The following PPP2R3B variants were observed in gnomAD, a reference collection of about 807,000 sequenced individuals.
PPP2R3B encodes protein phosphatase 2 regulatory subunit B''beta, also known as serine/threonine-protein phosphatase 2A regulatory subunit B'' subunit beta.
A neutral mutation model predicts 72.9 loss-of-function variants in PPP2R3B; 68 were observed. The observed-to-expected ratio is 0.93, with a 90% confidence interval of 0.77 to 1.14. The LOEUF (loss-of-function observed/expected upper bound fraction) is 1.14, where lower values mean the gene tolerates loss of function less well. Ranked by LOEUF, PPP2R3B falls within the 50% of genes most tolerant of loss-of-function variation. The pLI is 0.00. For missense variants in PPP2R3B, 1,018 were observed against 842.0 expected, an observed-to-expected ratio of 1.21 and a Z score of -2.59; for synonymous variants, 466 against 375.8, an observed-to-expected ratio of 1.24 and a Z score of -2.78.
chrX:346,355 G>A, intron 5 of PPP2R3B, 95 bp from the exon 6 acceptor site: 2 of 1,283,948 alleles, frequency 1.6e-6, no homozygotes, highest in Middle Eastern at 2.6e-4. Context: ...CGCGCCCTTG[G>A]TCTCAGCCGC....
At chrX:383,604 G>A (rs761184357) in intron 1 of PPP2R3B, among the ~76,000 whole-genome samples, 6 of 152,046 alleles carry the variant, frequency 3.9e-5, no homozygotes, top group South Asian at 2.1e-4. Flanking sequence ...TTGGGAGGCC[G>A]AGGCGGGCGG....
rs747518723 is a variant in PPP2R3B, at chrX:334,327, C to T, written c.*40G>A. On this transcript the variant is annotated 3_prime_UTR_variant, in exon 13 of 13. Transcript: ENST00000390665. ...GAGCCGCGGTGGCCCGGTGGTGGCA[C>T]GTGGGGAGCGGCCCCGCGGCGGCGT... The T allele has an allele frequency of 3.9e-5, 56 of 1,445,616 alleles. No individual in the cohort carries two copies. The highest frequency in any genetic ancestry group is 2.6e-4 in the Middle Eastern group (1 of 3,804). 89.5% of individuals were successfully genotyped at this position (1,445,616 alleles called of 1,614,324 possible).
rs762186515 is a variant in PPP2R3B, at chrX:345,389, G to C, written c.1036+127C>G. The C allele has an allele frequency of 1.8e-5, 23 of 1,308,238 alleles. 1 individual carries two copies. In the South Asian group the frequency reaches 2.9e-4, roughly 17 times the overall value. The allele number at this position is 1,308,238 out of a possible 1,614,324, so 81.0% of individuals were successfully genotyped here. ...GCTGCAGACACAGAGCGGCGAGTGC[G>C]AAGGAGAGGCAGCTGCAGACACAGA... is the stretch of plus-strand genomic sequence containing the variant. On this transcript the variant is annotated intron_variant, in intron 7 of 12. Transcript: ENST00000390665.
At chrX:340,994 C>CT in intron 9 of PPP2R3B, 54 bp from the exon 10 acceptor site, 1 of 1,574,024 alleles carries the variant, frequency 6.4e-7, no homozygotes, top group Non-Finnish European at 8.6e-7. Context: ...CAGCCCGTGA[C>CT]CTGCAGCCCC....
At position 334,338 on chromosome X, in the gene PPP2R3B, G is replaced by A. The variant is rs777296587; in HGVS notation, c.*29C>T. 2.7e-6 allele frequency: 4 copies of A among 1,456,192 alleles called. No homozygotes were observed. Among genetic ancestry groups the A allele is most frequent in the South Asian group, 2.8e-5 (2 of 71,454 alleles). The allele number at this position is 1,456,192 out of a possible 1,614,324, so 90.2% of individuals were successfully genotyped here. On this transcript the variant is annotated 3_prime_UTR_variant, in exon 13 of 13. Transcript: ENST00000390665. ...GCCCGGTGGTGGCACGTGGGGAGCG[G>A]CCCCGCGGCGGCGTTCTCGCGGGCG...
At position 370,409 on chromosome X, in the gene PPP2R3B, C is replaced by T. The variant is rs557315218; in HGVS notation, c.325-8819G>A. Among the ~76,000 whole-genome samples the T allele has an allele frequency of 1.2e-3, 186 of 152,264 alleles. 2 individuals are homozygous for T. In the South Asian group the frequency reaches 0.037, roughly 30 times the overall value. ...GCCCAGGCACTGGCGCCTGCAGCCA[C>T]GGCTGCAGCGAGGCGTGAGTCTCCA... On this transcript the variant is annotated intron_variant, in intron 1 of 12. Transcript: ENST00000390665.
chrX:363,458 A>G (rs1241085142), intron 1 of PPP2R3B, among the ~76,000 whole-genome samples: 96 of 141,920 alleles, frequency 6.8e-4, no homozygotes, highest in African/African-American at 1.6e-3. Context: ...CCCCGAGCCC[A>G]CCATCCCACA....
intron 1 of PPP2R3B, among the ~76,000 whole-genome samples, chrX:382,556 T>C (rs192132966): frequency 3.3e-5 from 5 of 152,242 alleles, no homozygotes; most frequent in Non-Finnish European, 7.4e-5. Context: ...AGTGCATTTC[T>C]CAAGTTCCAC....
At chrX:356,568 G>A (rs2071437801) in intron 2 of PPP2R3B, among the ~76,000 whole-genome samples, 1 of 152,128 alleles carries the variant, frequency 6.6e-6, no homozygotes, top group Non-Finnish European at 1.5e-5. Flanking sequence ...GCCACCAGAT[G>A]AGGCAGAGCT....
chrX:386,254 A>T, intron 1 of PPP2R3B, 114 bp downstream of exon 1: 1 of 879,360 alleles, frequency 1.1e-6, no homozygotes, highest in Non-Finnish European at 1.5e-6. Context: ...CAGACTCAAT[A>T]TGAAACCGTT....
intron 8 of PPP2R3B, 170 bp downstream of exon 8, chrX:341,713 C>G (rs1401805315): frequency 2.0e-5 from 16 of 785,240 alleles, no homozygotes; most frequent in Non-Finnish European, 2.2e-5. Context: ...TGTGCCACCC[C>G]CCCCCACTAG....
intron 1 of PPP2R3B, among the ~76,000 whole-genome samples, chrX:373,283 C>G (rs1230663846): frequency 1.3e-5 from 2 of 152,356 alleles, no homozygotes; most frequent in East Asian, 3.9e-4. Flanking sequence ...TTTTCAAAGC[C>G]CGGTTTTCCT....
intron 1 of PPP2R3B, among the ~76,000 whole-genome samples, chrX:382,191 T>C (rs868662476): frequency 7.1e-6 from 1 of 140,332 alleles, no homozygotes; most frequent in Non-Finnish European, 1.5e-5. Flanking sequence ...CTCATCTTTT[T>C]TTTTCTTTTT....
At chrX:335,542 G>A (rs1399673681) in intron 12 of PPP2R3B, 1 of 152,240 alleles carries the variant, frequency 6.6e-6, no homozygotes, top group African/African-American at 2.4e-5. Flanking sequence ...GCACGTCCAT[G>A]GAACCCATGG....
intron 2 of PPP2R3B, among the ~76,000 whole-genome samples, chrX:359,090 C>G (rs1021668090): frequency 2.0e-5 from 3 of 152,096 alleles, no homozygotes; most frequent in African/African-American, 7.2e-5. Flanking sequence ...CCGAAGCGGA[C>G]GCAGCGCGTG....
chrX:347,473 G>C lies in PPP2R3B; in HGVS notation c.614+117C>G. 4 of 1,353,980 alleles carry C rather than the reference G, an allele frequency of 3.0e-6. No individual in the cohort carries two copies. In the South Asian group the frequency reaches 4.7e-5, roughly 16 times the overall value. 83.9% of individuals were successfully genotyped at this position (1,353,980 alleles called of 1,614,324 possible). A position where few individuals can be genotyped will look rare whatever the true frequency, so the allele number is the denominator to read the frequency against. ...ACACACGACGGCCAGGCCTGTGCCC[G>C]TACAAGGGTTTCTCCTCTCACTGCG... is the stretch of plus-strand genomic sequence containing the variant. On this transcript the variant is annotated intron_variant, in intron 3 of 12. Transcript: ENST00000390665.
chrX:352,703 G>A (rs1419076988), intron 2 of PPP2R3B, among the ~76,000 whole-genome samples: 1 of 151,928 alleles, frequency 6.6e-6, no homozygotes, highest in Non-Finnish European at 1.5e-5. Context: ...AGTCCCGAGC[G>A]TCTACAGTCG....
rs2071225079 is a variant in PPP2R3B at position 346,785 on chromosome X, GGAA to G, written c.718-13_718-11del. ...GCGTGTTCACCACGTCCTGCGGGTG[GGAA>G]GACACGAGGCGCGTGGTGTAGACGC... On this transcript the variant is annotated splice_polypyrimidine_tract_variant and intron_variant, in intron 4 of 12. Transcript: ENST00000390665. 1 of 1,607,698 alleles carries G rather than the reference GGAA, an allele frequency of 6.2e-7. No homozygotes were observed. The highest frequency in any genetic ancestry group is 1.3e-5 in the African/African-American group (1 of 74,818).
chrX:364,435 GA>G, intron 1 of PPP2R3B, among the ~76,000 whole-genome samples: 1 of 149,690 alleles, frequency 6.7e-6, no homozygotes, highest in Admixed American at 6.7e-5. Flanking sequence ...AAAGGAGGCT[GA>G]GGGGGACAGA....
Sources: allele counts gnomAD v4.1 joint callset (sites outside exome capture counted in the v4.1 genomes callset), GRCh38; gene constraint gnomAD v4.1.1; transcripts MANE v1.5; gene names NCBI Gene and HGNC (gene_info 2026-07-23, HGNC 2026-07-21).